Variants in GRIK5 observed in about 807,000 individuals in gnomAD.
GRIK5 encodes glutamate ionotropic receptor kainate type subunit 5, also known as glutamate receptor ionotropic, kainate 5.
A neutral mutation model predicts 97.4 loss-of-function variants in GRIK5; 43 were observed. That is an observed-to-expected ratio of 0.44 (90% CI 0.35 to 0.57). GRIK5 has a LOEUF of 0.57. GRIK5 is among the 20% of genes least tolerant of loss of function. The pLI, the probability that GRIK5 is intolerant of heterozygous loss-of-function variation, is 0.01. For missense variants in GRIK5, 1,015 were observed against 1,382.0 expected, an observed-to-expected ratio of 0.73 and a Z score of 4.21; for synonymous variants, 580 against 583.5, an observed-to-expected ratio of 0.99 and a Z score of 0.09.
intron 19 of GRIK5, among the ~76,000 whole-genome samples, chr19:42,000,904 T>C (rs1366090152): frequency 6.6e-6 from 1 of 152,096 alleles, no homozygotes; most frequent in Non-Finnish European, 1.5e-5. Context: ...TGTTTTTTAT[T>C]TTCTGTGTCT....
Position 42,022,042 on chromosome 19 carries a change from G to T in GRIK5, c.1602C>A (p.Gly534=), listed in dbSNP as rs771869833. 2 of 1,612,678 alleles carry T rather than the reference G, an allele frequency of 1.2e-6. No individual in the cohort carries two copies. Among genetic ancestry groups the T allele is most frequent in the Admixed American group, 3.3e-5 (2 of 59,912 alleles). The change falls in exon 14 of 20, where the codon GGC becomes GGA. Residue 534 remains glycine (G), a synonymous_variant. Transcript: ENST00000593562. This position sits in a 1 kb window ranked among gnomAD's most constrained non-coding sequence, Gnocchi z 4.2. ...LYRVHMGRKP[G]YFSFLDPFSP... ...AGAAGGGGTCCAGGAAGGAGAAGTA[G>T]CCAGGCTTGCGGCCCTGTGGGGAGA...
At chr19:42,059,301 CAA>C in intron 6 of GRIK5, 46 bp downstream of exon 6, 1 of 1,527,176 alleles carries the variant, frequency 6.5e-7, no homozygotes, top group Non-Finnish European at 9.0e-7. Context: ...TCGGTCACCC[CAA>C]GTTTCTGGCC....
chr19:42,003,834 C>G lies in GRIK5; in HGVS notation c.2264-151G>C. On this transcript the variant is annotated intron_variant, in intron 17 of 19. Transcript: ENST00000593562. The surrounding 1 kb of genome is among the most constrained non-coding windows in gnomAD (Gnocchi z 4.2). ...AGCCTCTCCTCACCCCCAGCCCAGTCTCCTCTCAACACAGCAGCCAGAGAG... is the reference window on the plus strand; with the variant it reads ...AGCCTCTCCTCACCCCCAGCCCAGTGTCCTCTCAACACAGCAGCCAGAGAG... The G allele has an allele frequency of 1.4e-6, 1 of 726,106 alleles. No individual in the cohort carries two copies. The highest frequency in any genetic ancestry group is 2.2e-6 in the Non-Finnish European group (1 of 457,976). The allele number at this position is 726,106 out of a possible 1,614,324, so 45.0% of individuals were successfully genotyped here.
chr19:42,001,994 C>G lies in GRIK5; in HGVS notation c.2514+1338G>C, dbSNP rs1228606562. The G allele has an allele frequency of 8.1e-6, 5 of 614,146 alleles. No homozygotes were observed. The Admixed American group carries it at 8.7e-5, about 11-fold the overall frequency. 38.0% of individuals were successfully genotyped at this position (614,146 alleles called of 1,614,324 possible). On this transcript the variant is annotated intron_variant, in intron 19 of 19. Transcript: ENST00000593562. Reference sequence around the variant, plus strand: ...GAGAAAGAGAAACCCAACGAGGGAGCCTGGGAAGGAGTGACCGGAGAAGTG... The same window carrying G: ...GAGAAAGAGAAACCCAACGAGGGAGGCTGGGAAGGAGTGACCGGAGAAGTG...
At chr19:42,004,045 G>T (rs1426805737) in intron 17 of GRIK5, among the ~76,000 whole-genome samples, 2 of 152,126 alleles carry the variant, frequency 1.3e-5, no homozygotes, top group African/African-American at 4.8e-5. Context: ...TAGGACCTTT[G>T]CCTCTGCCTG....
chr19:42,018,110 G>A (rs537678365), intron 15 of GRIK5, among the ~76,000 whole-genome samples: 2 of 134,208 alleles, frequency 1.5e-5, no homozygotes, highest in Admixed American at 8.4e-5. Flanking sequence ...TCAGGAGATC[G>A]AGACCACCCT....
chr19:42,002,082 A>G lies in GRIK5; in HGVS notation c.2514+1250T>C. 2.8e-6 allele frequency: 2 copies of G among 704,734 alleles called. No individual in the cohort carries two copies. Among genetic ancestry groups the G allele is most frequent in the Non-Finnish European group, 5.3e-6 (2 of 378,302 alleles). The allele number at this position is 704,734 out of a possible 1,614,324, so 43.7% of individuals were successfully genotyped here. The stretch of plus-strand genomic sequence containing the variant: ...ACTGGCTGTGCCGAAGCCCACTGCT[A>G]CCTCATATACATGAGGCCTGAGACC... On this transcript the variant is annotated intron_variant, in intron 19 of 19. Coordinates refer to ENST00000593562, the MANE Select transcript of GRIK5 (RefSeq NM_002088.5). This position sits in a 1 kb window ranked among gnomAD's most constrained non-coding sequence, Gnocchi z 5.2.
At position 42,056,833 on chromosome 19, in the gene GRIK5, G is replaced by A; in HGVS notation, c.742-10C>T. On this transcript the variant is annotated splice_polypyrimidine_tract_variant and intron_variant, in intron 7 of 19. Transcript: ENST00000593562. Reference sequence around the variant, plus strand: ...GCAGGATGGGGAAGTCCTGGGACCAGGAAGAGGTGGTGAGGCCTGGGGCTA... The same window carrying A: ...GCAGGATGGGGAAGTCCTGGGACCAAGAAGAGGTGGTGAGGCCTGGGGCTA... 1.2e-6 allele frequency: 2 copies of A among 1,614,128 alleles called. No individual in the cohort carries two copies. The highest frequency in any genetic ancestry group is 2.2e-5 in the South Asian group (2 of 91,074).
chr19:42,056,514 C>T (rs2076186643), intron 8 of GRIK5, 148 bp downstream of exon 8: 2 of 648,030 alleles, frequency 3.1e-6, no homozygotes, highest in African/African-American at 3.6e-5. Flanking sequence ...GAGAGGAGGA[C>T]ATGGGTCCAA....
chr19:42,025,745 C>A (rs192043427), intron 12 of GRIK5, among the ~76,000 whole-genome samples: 1 of 152,276 alleles, frequency 6.6e-6, no homozygotes, highest in African/African-American at 2.4e-5. Flanking sequence ...CTGGTCTCTG[C>A]CTCCCAGGAC....
chr19:42,057,170 G>A (rs2076197697), intron 6 of GRIK5, among the ~76,000 whole-genome samples, 192 bp from the exon 7 acceptor site: 1 of 152,152 alleles, frequency 6.6e-6, no homozygotes, highest in Non-Finnish European at 1.5e-5. Flanking sequence ...GGCATAGGGA[G>A]GCCTTAGTCC....
At chr19:42,012,682 C>T (rs1373494173) in intron 15 of GRIK5, among the ~76,000 whole-genome samples, 1 of 151,998 alleles carries the variant, frequency 6.6e-6, no homozygotes, top group Non-Finnish European at 1.5e-5. Flanking sequence ...TGAGACTAGC[C>T]TGGGCAACAT....
intron 1 of GRIK5, among the ~76,000 whole-genome samples, chr19:42,066,700 A>G (rs1376149034): frequency 6.6e-6 from 1 of 151,570 alleles, no homozygotes; most frequent in Non-Finnish European, 1.5e-5. Flanking sequence ...GAGGGAAGAG[A>G]CAGGAGGATG....
In GRIK5 at chr19:42,003,252, G is replaced by C; in HGVS notation, c.2514+80C>G. The C allele has an allele frequency of 7.5e-7, 1 of 1,333,448 alleles. No individual in the cohort carries two copies. The highest frequency in any genetic ancestry group is 1.1e-6 in the Non-Finnish European group (1 of 947,626). The allele number at this position is 1,333,448 out of a possible 1,614,324, so 82.6% of individuals were successfully genotyped here. A position where few individuals can be genotyped will look rare whatever the true frequency, so the allele number is the denominator to read the frequency against. ...CGATCCCCACCACCCTCCAGGTATG[G>C]CTCCCAATGCCACAATCTTCACGCA... On this transcript the variant is annotated intron_variant, in intron 19 of 19. Coordinates refer to ENST00000593562, the MANE Select transcript of GRIK5 (RefSeq NM_002088.5). This position sits in a 1 kb window ranked among gnomAD's most constrained non-coding sequence, Gnocchi z 4.2.
At chr19:42,056,589 G>A (rs956359203) in intron 8 of GRIK5, 73 bp downstream of exon 8, 9 of 1,302,654 alleles carry the variant, frequency 6.9e-6, no homozygotes, top group African/African-American at 1.5e-5. Flanking sequence ...TGATCTGAGT[G>A]AGGTCTGAAA....
chr19:42,043,519 C>T (rs1192977292), intron 11 of GRIK5, among the ~76,000 whole-genome samples: 1 of 151,468 alleles, frequency 6.6e-6, no homozygotes, highest in Non-Finnish European at 1.5e-5. Context: ...GATTCTCCTG[C>T]CTCACCCCCG....
At chr19:42,035,826 T>G (rs1828676317) in intron 12 of GRIK5, among the ~76,000 whole-genome samples, 1 of 152,222 alleles carries the variant, frequency 6.6e-6, no homozygotes, top group Non-Finnish European at 1.5e-5. Context: ...TTCTGCTATT[T>G]GTACCATTTG....
At chr19:42,068,242 G>C (rs777502237) in intron 1 of GRIK5, among the ~76,000 whole-genome samples, 1 of 152,144 alleles carries the variant, frequency 6.6e-6, no homozygotes, top group East Asian at 1.9e-4. Context: ...GGCAGGGACA[G>C]GGCAAGCACC....
chr19:42,029,288 G>C (rs577863124), intron 12 of GRIK5, among the ~76,000 whole-genome samples: 23 of 151,702 alleles, frequency 1.5e-4, no homozygotes, highest in African/African-American at 4.6e-4. Context: ...GGATGGTCTC[G>C]ATCTCTTGAC....
Sources: gnomAD v4.1 joint callset for allele counts (sites outside exome capture counted in the v4.1 genomes callset) on GRCh38, gnomAD v4.1.1 for gene constraint, Gnocchi (gnomAD v3.1) non-coding constraint, MANE v1.5 for transcripts, NCBI Gene and HGNC (gene_info 2026-07-23, HGNC 2026-07-21) for gene names.